CCDC148: variants seen among roughly 807,000 people sequenced by gnomAD.
CCDC148 encodes the protein coiled-coil domain containing 148.
A neutral mutation model predicts 85.7 loss-of-function variants in CCDC148; 89 were observed. That is an observed-to-expected ratio of 1.04 (90% confidence interval 0.87 to 1.24). The LOEUF (loss-of-function observed/expected upper bound fraction) is 1.24. Ranked by LOEUF, CCDC148 falls within the 50% of genes most tolerant of loss-of-function variation. CCDC148 has a pLI of 0.00. For missense variants in CCDC148, 692 were observed against 671.7 expected, an observed-to-expected ratio of 1.03 and a Z score of -0.33; for synonymous variants, 230 against 213.9, an observed-to-expected ratio of 1.08 and a Z score of -0.66.
chr2:158,439,106 C>T (rs978917112), intron 1 of CCDC148, among the ~76,000 whole-genome samples: 2 of 152,132 alleles, frequency 1.3e-5, no homozygotes, highest in African/African-American at 2.4e-5. Context: ...TACCATTTGA[C>T]CCAGCCATCC....
chr2:158,302,812 G>A (rs1239278284), intron 9 of CCDC148, among the ~76,000 whole-genome samples: 2 of 151,984 alleles, frequency 1.3e-5, no homozygotes, highest in Non-Finnish European at 1.5e-5. Context: ...AGATGGCTCT[G>A]GGGAGGATGT....
intron 1 of CCDC148, among the ~76,000 whole-genome samples, chr2:158,413,973 A>G (rs1453919093): frequency 6.6e-6 from 1 of 152,224 alleles, no homozygotes; most frequent in African/African-American, 2.4e-5. Flanking sequence ...TACAGAAAAA[A>G]CAGACTGAGA....
Position 158,250,874 on chromosome 2 carries a change from T to C in CCDC148, c.1149A>G (p.Arg383=). The C allele has an allele frequency of 1.2e-6, 2 of 1,607,282 alleles. No homozygotes were observed. Among genetic ancestry groups the C allele is most frequent in the Non-Finnish European group, 1.7e-6 (2 of 1,178,480 alleles). Residue 383 remains arginine (R), a synonymous_variant, in exon 10 of 14, where the codon AGA becomes AGG. Transcript: ENST00000283233. ...TTCTGGCAGAAATTTCCATTTCCAGTCTTGCTACCTCTTCTTGGTGGGCTC... is the reference window on the plus strand; with the variant it reads ...TTCTGGCAGAAATTTCCATTTCCAGCCTTGCTACCTCTTCTTGGTGGGCTC... ...QWRAHQEEVA[R]LEMEISARRR...
chr2:158,183,152 C>A (rs1463272641), intron 11 of CCDC148, among the ~76,000 whole-genome samples: 1 of 152,054 alleles, frequency 6.6e-6, no homozygotes, highest in Non-Finnish European at 1.5e-5. Flanking sequence ...GGAGGAGAAG[C>A]ATCATATTGT....
intron 1 of CCDC148, among the ~76,000 whole-genome samples, chr2:158,442,505 T>C (rs1266140776): frequency 1.3e-5 from 2 of 152,204 alleles, no homozygotes; most frequent in African/African-American, 4.8e-5. Context: ...TAGGTAGCCA[T>C]TCTTTCAAAT....
intron 9 of CCDC148, among the ~76,000 whole-genome samples, chr2:158,262,440 C>G (rs1179986350): frequency 6.6e-6 from 1 of 151,890 alleles, no homozygotes; most frequent in Non-Finnish European, 1.5e-5. Context: ...TGAAATATAT[C>G]TGCACAATAA....
chr2:158,191,489 C>G (rs892692251), intron 11 of CCDC148, among the ~76,000 whole-genome samples: 1 of 151,972 alleles, frequency 6.6e-6, no homozygotes, highest in Non-Finnish European at 1.5e-5. Context: ...TCACAAACGC[C>G]TTCGGGGTTT....
chr2:158,436,353 T>C (rs1197126810), intron 1 of CCDC148, among the ~76,000 whole-genome samples: 1 of 152,174 alleles, frequency 6.6e-6, no homozygotes, highest in Admixed American at 6.5e-5. Flanking sequence ...ACATGGAAAC[T>C]GAACAACCTA....
At chr2:158,301,127 G>A (rs1194205661) in intron 9 of CCDC148, among the ~76,000 whole-genome samples, 2 of 152,092 alleles carry the variant, frequency 1.3e-5, no homozygotes, top group African/African-American at 2.4e-5. Flanking sequence ...CCAAAGCACT[G>A]GGATTACATA....
intron 1 of CCDC148, among the ~76,000 whole-genome samples, chr2:158,375,540 T>G (rs931892439): frequency 5.3e-5 from 8 of 152,134 alleles, no homozygotes; most frequent in African/African-American, 1.9e-4. Context: ...GAGGAAATTT[T>G]ATCCTCTGAA....
intron 11 of CCDC148, among the ~76,000 whole-genome samples, chr2:158,209,285 C>T (rs1055682603): frequency 5.9e-5 from 9 of 152,070 alleles, no homozygotes; most frequent in African/African-American, 2.2e-4. Flanking sequence ...TTCATTTAAC[C>T]TATACCAGCT....
chr2:158,349,267 A>C (rs1260560663), intron 2 of CCDC148, among the ~76,000 whole-genome samples: 1 of 152,010 alleles, frequency 6.6e-6, no homozygotes, highest in African/African-American at 2.4e-5. Context: ...TGCCAGAGAA[A>C]AGTGCTGTAA....
intron 2 of CCDC148, among the ~76,000 whole-genome samples, chr2:158,351,172 T>C (rs192065550): frequency 5.3e-5 from 8 of 152,348 alleles, no homozygotes; most frequent in African/African-American, 1.9e-4. Context: ...TGATAAACAC[T>C]GACTCCTCTC....
chr2:158,202,711 T>G (rs1206798265), intron 11 of CCDC148, among the ~76,000 whole-genome samples: 1 of 152,230 alleles, frequency 6.6e-6, no homozygotes, highest in Non-Finnish European at 1.5e-5. Context: ...ACACAGAAAT[T>G]TTAATTTCAT....
At chr2:158,190,802 A>G (rs1374120885) in intron 11 of CCDC148, among the ~76,000 whole-genome samples, 4 of 152,140 alleles carry the variant, frequency 2.6e-5, no homozygotes, top group Middle Eastern at 6.8e-3. Context: ...TTTTAAAAGT[A>G]AGAAAATGAT....
intron 1 of CCDC148, chr2:158,365,932 A>G (rs1486308657): frequency 9.8e-7 from 1 of 1,020,642 alleles, no homozygotes; most frequent in African/African-American, 1.7e-5. Context: ...ATTTTGAAAA[A>G]TCAACATTCC....
At chr2:158,447,174 G>C (rs1018260354) in intron 1 of CCDC148, 4 of 151,998 alleles carry the variant, frequency 2.6e-5, no homozygotes, top group African/African-American at 9.7e-5. Flanking sequence ...AAAGAGAATA[G>C]GCCTCTCTAC....
intron 7 of CCDC148, among the ~76,000 whole-genome samples, chr2:158,327,322 T>G (rs777759859): frequency 2.6e-5 from 4 of 152,202 alleles, no homozygotes; most frequent in Non-Finnish European, 5.9e-5. Context: ...AAGATTTAGT[T>G]GCAGATGATA....
rs571436864 is a variant in CCDC148 at position 158,453,331 on chromosome 2, T to C, written c.25+3084A>G. Among the ~76,000 whole-genome samples, 17 of 152,234 alleles carry C rather than the reference T, an allele frequency of 1.1e-4. No individual in the cohort carries two copies. The South Asian group carries it at 3.5e-3, about 32-fold the overall frequency. On this transcript the variant is annotated intron_variant, in intron 1 of 13. Transcript: ENST00000283233. ...ACTTTCAGAAAGTTTTTACAGGTAA[T>C]CATTAGGCAGAGCCATGGGAGGATT...
Sources: allele counts gnomAD v4.1 joint callset (sites outside exome capture counted in the v4.1 genomes callset), GRCh38; gene constraint gnomAD v4.1.1; transcripts MANE v1.5; gene names NCBI Gene and HGNC (gene_info 2026-07-23, HGNC 2026-07-21).